The following COL8A1 variants were observed in gnomAD, a reference collection of about 807,000 sequenced individuals.
The protein encoded by COL8A1 is collagen type VIII alpha 1 chain.
A neutral mutation model predicts 42.7 loss-of-function variants in COL8A1; 21 were observed. The ratio of observed to expected loss-of-function variants is 0.49; its 90% CI spans 0.35 to 0.71. COL8A1 has a LOEUF of 0.71. Among genes scored for constraint, COL8A1 ranks in the 30% least tolerant of loss-of-function variants. The pLI, the probability that COL8A1 is intolerant of heterozygous loss-of-function variation, is 0.01. For synonymous variants in COL8A1, 367 were observed against 369.1 expected (o/e 0.99, Z 0.06); for missense variants, 788 against 962.4 (o/e 0.82, Z 2.40).
intron 2 of COL8A1, among the ~76,000 whole-genome samples, chr3:99,772,198 T>C (rs1422937639): frequency 1.3e-5 from 2 of 152,176 alleles, no homozygotes; most frequent in Admixed American, 6.5e-5. Flanking sequence ...GAATCTTAAG[T>C]GCATATTACT....
intron 1 of COL8A1, among the ~76,000 whole-genome samples, chr3:99,726,193 T>G (rs28856987): frequency 6.6e-6 from 1 of 152,218 alleles, no homozygotes; most frequent in Non-Finnish European, 1.5e-5. Context: ...TCATGTGTTT[T>G]TTGGCTGCAT....
intron 1 of COL8A1, among the ~76,000 whole-genome samples, chr3:99,682,245 T>A (rs926809697): frequency 6.6e-6 from 1 of 151,958 alleles, no homozygotes; most frequent in Non-Finnish European, 1.5e-5. Context: ...TGAAACCTTG[T>A]CTCTACTAAA....
Position 99,660,030 on chromosome 3 carries a change from T to C in COL8A1, c.-129+21366T>C, listed in dbSNP as rs533265679. Among the ~76,000 whole-genome samples the C allele has an allele frequency of 7.9e-5, 12 of 152,334 alleles. No homozygotes were observed. The East Asian group carries it at 2.3e-3, about 29-fold the overall frequency. On this transcript the variant is annotated intron_variant, in intron 1 of 3. Transcript: ENST00000652472. The stretch of plus-strand genomic sequence containing the variant: ...AATAGAGCCAATAAACTAGAAAAAC[T>C]GTGTGGAAGCACCAAGCCCAGCTTC...
chr3:99,746,079 C>A (rs1941019438), intron 2 of COL8A1, among the ~76,000 whole-genome samples: 1 of 152,076 alleles, frequency 6.6e-6, no homozygotes, highest in Non-Finnish European at 1.5e-5. Flanking sequence ...ACAGGGTGGA[C>A]ACCTGAACGA....
At chr3:99,657,876 T>A (rs1010297451) in intron 1 of COL8A1, among the ~76,000 whole-genome samples, 1 of 152,130 alleles carries the variant, frequency 6.6e-6, no homozygotes, top group Admixed American at 6.5e-5. Flanking sequence ...ACACCTGTAA[T>A]CCCAGCACTT....
intron 1 of COL8A1, among the ~76,000 whole-genome samples, chr3:99,737,958 C>T (rs1376937975): frequency 2.6e-5 from 4 of 151,614 alleles, no homozygotes; most frequent in Admixed American, 6.6e-5. Flanking sequence ...CTTCCCTTCT[C>T]GCTTCATTTC....
At chr3:99,667,150 C>T (rs1276807044) in intron 1 of COL8A1, among the ~76,000 whole-genome samples, 6 of 152,088 alleles carry the variant, frequency 3.9e-5, no homozygotes, top group Admixed American at 2.0e-4. Flanking sequence ...TTATTTAGTT[C>T]CAAACCCTAG....
At chr3:99,704,822 C>A (rs375604707) in intron 1 of COL8A1, among the ~76,000 whole-genome samples, 1 of 152,094 alleles carries the variant, frequency 6.6e-6, no homozygotes, top group South Asian at 2.1e-4. Context: ...TTCTTTCACC[C>A]ACTTGGAGAG....
At chr3:99,779,353 T>C (rs1049537473) in intron 2 of COL8A1, among the ~76,000 whole-genome samples, 1 of 152,210 alleles carries the variant, frequency 6.6e-6, no homozygotes, top group African/African-American at 2.4e-5. Flanking sequence ...AAAAAGTGAT[T>C]GTAAGCTGAT....
At chr3:99,739,526 G>A (rs1281674533) in intron 1 of COL8A1, among the ~76,000 whole-genome samples, 2 of 152,100 alleles carry the variant, frequency 1.3e-5, no homozygotes, top group African/African-American at 4.8e-5. Context: ...CAAAATCTAG[G>A]CAGAAGTTCT....
chr3:99,662,195 A>G (rs1198397376), intron 1 of COL8A1, among the ~76,000 whole-genome samples: 1 of 152,112 alleles, frequency 6.6e-6, no homozygotes, highest in East Asian at 1.9e-4. Flanking sequence ...CCTGGCCAAC[A>G]TGGTGAAACC....
intron 1 of COL8A1, among the ~76,000 whole-genome samples, chr3:99,726,998 T>G (rs1400789830): frequency 1.4e-5 from 2 of 140,718 alleles, no homozygotes; most frequent in African/African-American, 5.3e-5. Context: ...TTAAATTACC[T>G]TGGGCAGTAT....
chr3:99,798,105 G>C lies in COL8A1; in HGVS notation c.*1969G>C, dbSNP rs1256334375. 2 of 152,114 alleles carry C rather than the reference G, an allele frequency of 1.3e-5. No homozygotes were observed. Among genetic ancestry groups the C allele is most frequent in the East Asian group, 3.8e-4 (2 of 5,200 alleles). 9.4% of individuals were successfully genotyped at this position (152,114 alleles called of 1,614,324 possible). ...ACGGTATGAAAACACATGGAAATGTGTCTTTGTCAAATCTGAATCATTATT... is the reference window on the plus strand; with the variant it reads ...ACGGTATGAAAACACATGGAAATGTCTCTTTGTCAAATCTGAATCATTATT... On this transcript the variant is annotated 3_prime_UTR_variant, in exon 4 of 4. Transcript: ENST00000652472.
intron 1 of COL8A1, among the ~76,000 whole-genome samples, chr3:99,736,578 G>C (rs1448501140): frequency 6.6e-6 from 1 of 151,754 alleles, no homozygotes; most frequent in South Asian, 2.1e-4. Context: ...TAGTTTGATT[G>C]CACTGTGGTC....
intron 1 of COL8A1, among the ~76,000 whole-genome samples, chr3:99,669,890 A>G (rs1369912783): frequency 6.6e-6 from 1 of 152,054 alleles, no homozygotes; most frequent in Non-Finnish European, 1.5e-5. Flanking sequence ...TGCTTTATAG[A>G]TACATAGAGT....
intron 1 of COL8A1, among the ~76,000 whole-genome samples, chr3:99,696,104 G>A (rs549977110): frequency 3.3e-5 from 5 of 152,258 alleles, no homozygotes; most frequent in Admixed American, 6.5e-5. Flanking sequence ...ACTGCACTCC[G>A]GCCTGGGCGA....
intron 1 of COL8A1, among the ~76,000 whole-genome samples, chr3:99,731,835 G>A (rs1043454857): frequency 3.9e-5 from 6 of 152,154 alleles, no homozygotes; most frequent in South Asian, 2.1e-4. Context: ...CAGATATGGA[G>A]GTCAGATGGT....
In COL8A1 at chr3:99,787,154, T is replaced by A. The variant is rs184881765; in HGVS notation, c.-3-3526T>A. Among the ~76,000 whole-genome samples the A allele has an allele frequency of 7.9e-5, 12 of 152,348 alleles. No individual in the cohort carries two copies. In the East Asian group the frequency reaches 2.3e-3, roughly 29 times the overall value. On this transcript the variant is annotated intron_variant, in intron 2 of 3. Transcript: ENST00000652472. ...TATAGTAAGCCAATGAGGATAAACG[T>A]ACAAATAGAATGCTGATGAGCATTT... is the stretch of plus-strand genomic sequence containing the variant.
At chr3:99,776,444 G>A (rs1418157259) in intron 2 of COL8A1, among the ~76,000 whole-genome samples, 2 of 152,250 alleles carry the variant, frequency 1.3e-5, no homozygotes, top group East Asian at 1.9e-4. Flanking sequence ...TTTGTTGAAT[G>A]GGATAAACAA....
Sources: allele counts gnomAD v4.1 joint callset (sites outside exome capture counted in the v4.1 genomes callset), GRCh38; gene constraint gnomAD v4.1.1; transcripts MANE v1.5; gene names NCBI Gene and HGNC (gene_info 2026-07-23, HGNC 2026-07-21).